The following VIRMA variants were observed in gnomAD, a reference collection of about 807,000 sequenced individuals.
VIRMA encodes the protein vir like m6A methyltransferase associated, also known as protein virilizer homolog.
A neutral mutation model predicts 182.4 loss-of-function variants in VIRMA; 65 were observed. The ratio of observed to expected loss-of-function variants is 0.36; its 90% CI spans 0.29 to 0.44. The LOEUF is 0.44. Ranked by LOEUF, VIRMA falls within the 20% of genes least tolerant of loss-of-function variation. The pLI is 1.00. For missense variants in VIRMA, 1,752 were observed against 2,158.1 expected, an observed-to-expected ratio of 0.81 and a Z score of 3.73; for synonymous variants, 709 against 743.1, an observed-to-expected ratio of 0.95 and a Z score of 0.75.
At chr8:94,495,656 G>A (rs1176503273) in intron 19 of VIRMA, 75 bp downstream of exon 19, 10 of 1,263,548 alleles carry the variant, frequency 7.9e-6, no homozygotes, top group Admixed American at 2.3e-5. Flanking sequence ...AGAAAAAAAC[G>A]TTTGCTGGCA....
In VIRMA at chr8:94,519,360, T is replaced by C. The variant is rs762706368; in HGVS notation, c.2138A>G (p.Gln713Arg). ...AAAAAAAAGAAGACCCTTCTGTGAC[T>C]GTGCAAGAAACTTCAAAACATCTTT... is the stretch of plus-strand genomic sequence containing the variant. The part of the protein sequence containing the change: ...ATKDVLKFLA[Q>R]SQKGLLFFMS... The change falls in exon 9 of 24, where the codon CAG becomes CGG. Residue 713 changes from glutamine (Q) to arginine (R), a missense_variant. This residue lies in a region of VIRMA where 401 missense variants were observed against 455.1 expected (regional missense o/e 0.88). Transcript: ENST00000297591. 3 of 1,587,682 alleles carry C rather than the reference T, an allele frequency of 1.9e-6. No individual in the cohort carries two copies. The highest frequency in any genetic ancestry group is 2.2e-5 in the East Asian group (1 of 44,772).
rs764445101 is a variant in VIRMA at position 94,526,328 on chromosome 8, T to C, written c.1916A>G (p.Glu639Gly). Residue 639 changes from glutamate to glycine, a missense_variant, in exon 8 of 24, where the codon GAA becomes GGA. Glu to Gly is a moderately conservative substitution (Grantham distance 98). Coordinates refer to ENST00000297591, the MANE Select transcript of VIRMA (RefSeq NM_015496.5). ...NLLEEVFHLM[E>G]TAPHTMIQQP... ...TTGGATCATTGTATGAGGGGCAGTTTCCATTAAATGAAAAACTTCTTCTAG... is the reference window on the plus strand; with the variant it reads ...TTGGATCATTGTATGAGGGGCAGTTCCCATTAAATGAAAAACTTCTTCTAG... The C allele has an allele frequency of 6.8e-5, 109 of 1,613,898 alleles. No homozygotes were observed. The highest frequency in any genetic ancestry group is 8.8e-5 in the Non-Finnish European group (104 of 1,179,886).
rs1009409255 is a variant in VIRMA at position 94,535,113 on chromosome 8, T to C, written c.316-106A>G. On this transcript the variant is annotated intron_variant, in intron 4 of 23. Transcript: ENST00000297591. ...GTGGTTCAACTAAAGTCTTTAAAAGTATGCTGAAAATGCAAAGTCAACACA... is the reference window on the plus strand; with the variant it reads ...GTGGTTCAACTAAAGTCTTTAAAAGCATGCTGAAAATGCAAAGTCAACACA... 11 of 1,470,226 alleles carry C rather than the reference T, an allele frequency of 7.5e-6. No homozygotes were observed. The African/African-American group carries it at 9.9e-5, about 13-fold the overall frequency. The allele number at this position is 1,470,226 out of a possible 1,614,324, so 91.1% of individuals were successfully genotyped here.
intron 11 of VIRMA, among the ~76,000 whole-genome samples, chr8:94,514,215 G>A (rs1278001079): frequency 6.6e-6 from 1 of 152,300 alleles, no homozygotes; most frequent in Non-Finnish European, 1.5e-5. Flanking sequence ...AACTTTTTAT[G>A]TGTATATGAG....
intron 17 of VIRMA, chr8:94,496,899 C>G (rs1279789963): frequency 6.5e-6 from 1 of 154,090 alleles, no homozygotes; most frequent in Non-Finnish European, 1.4e-5. Flanking sequence ...TATATTCTGT[C>G]ACATAGAAAA....
intron 16 of VIRMA, among the ~76,000 whole-genome samples, chr8:94,505,353 A>AATCTTC (rs1814117486): frequency 6.6e-6 from 1 of 151,872 alleles, no homozygotes; most frequent in Non-Finnish European, 1.5e-5. Flanking sequence ...AATAAATATA[A>AATCTTC]GTACTAGCCA....
Position 94,527,235 on chromosome 8 carries a change from T to C in VIRMA, c.1009A>G (p.Thr337Ala). The C allele has an allele frequency of 2.5e-6, 4 of 1,613,750 alleles. No homozygotes were observed. Among genetic ancestry groups the C allele is most frequent in the Non-Finnish European group, 3.4e-6 (4 of 1,179,682 alleles). Residue 337 changes from threonine to alanine, a missense_variant, in exon 8 of 24, where the codon ACA becomes GCA. This residue lies in a region of VIRMA where 401 missense variants were observed against 455.1 expected (regional missense o/e 0.88). Coordinates refer to ENST00000297591, the MANE Select transcript of VIRMA (RefSeq NM_015496.5). ...AEDLASVPPMTYDPYDRELVP... is the reference protein window; with the variant it reads ...AEDLASVPPMAYDPYDRELVP... ...AGCTCCCTGTCATATGGATCATATG[T>C]CATAGGAGGAACTGAAGCTAAGTCT...
Position 94,511,351 on chromosome 8 carries a change from A to C in VIRMA, c.3224T>G (p.Val1075Gly). 1 of 1,613,646 alleles carries C rather than the reference A, an allele frequency of 6.2e-7. No individual in the cohort carries two copies. The highest frequency in any genetic ancestry group is 8.5e-7 in the Non-Finnish European group (1 of 1,179,906). Reference sequence around the variant, plus strand: ...TTCTGAGATTGTGAGTTTTTCATTAACTCCTTGTGTAAAAGTCAGTAAAAT... The same window carrying C: ...TTCTGAGATTGTGAGTTTTTCATTACCTCCTTGTGTAAAAGTCAGTAAAAT... ...IDILLTFTQG[V>G]NEKLTISEET... Residue 1075 changes from valine to glycine, a missense_variant, in exon 13 of 24, where the codon GTT becomes GGT. This residue lies in a region of VIRMA where 777 missense variants were observed against 920.6 expected (regional missense o/e 0.84). Coordinates refer to ENST00000297591, the MANE Select transcript of VIRMA (RefSeq NM_015496.5).
chr8:94,520,667 T>TA (rs1250517274), intron 8 of VIRMA, among the ~76,000 whole-genome samples: 1 of 152,188 alleles, frequency 6.6e-6, no homozygotes, highest in Non-Finnish European at 1.5e-5. Flanking sequence ...AGGATATGCA[T>TA]AGGTTATATG....
intron 4 of VIRMA, among the ~76,000 whole-genome samples, chr8:94,536,498 G>T (rs1197996646): frequency 1.3e-5 from 2 of 152,208 alleles, no homozygotes; most frequent in East Asian, 3.8e-4. Context: ...GCACAGTAGT[G>T]TCTAATAACA....
At position 94,539,034 on chromosome 8, in the gene VIRMA, T is replaced by C. The variant is rs551633926; in HGVS notation, c.180-688A>G. Among the ~76,000 whole-genome samples, 11 of 151,756 alleles carry C rather than the reference T, an allele frequency of 7.2e-5. No homozygotes were observed. In the East Asian group the frequency reaches 1.2e-3, roughly 16 times the overall value. ...CTCCTGCTACAGCCTCCCAAGTAGCTGGGACTACAGGTGTATGCCACTACA... is the reference window on the plus strand; with the variant it reads ...CTCCTGCTACAGCCTCCCAAGTAGCCGGGACTACAGGTGTATGCCACTACA... On this transcript the variant is annotated intron_variant, in intron 2 of 23. Transcript: ENST00000297591.
chr8:94,492,894 T>C (rs1382267220), intron 20 of VIRMA, 76 bp from the exon 21 acceptor site: 3 of 1,177,880 alleles, frequency 2.5e-6, no homozygotes, highest in South Asian at 1.6e-5. Flanking sequence ...GAAATTCTTA[T>C]TACCTATAAA....
chr8:94,510,693 A>G (rs1194677397), intron 13 of VIRMA, 41 bp from the exon 14 acceptor site: 23 of 1,396,802 alleles, frequency 1.6e-5, no homozygotes, highest in Non-Finnish European at 1.9e-5. Flanking sequence ...AGATTTTTTA[A>G]TATTTATTTA....
At position 94,529,227 on chromosome 8, in the gene VIRMA, T is replaced by C. The variant is rs1815076262; in HGVS notation, c.723A>G (p.Glu241=). 6.3e-7 allele frequency: 1 copy of C among 1,575,096 alleles called. No individual in the cohort carries two copies. The highest frequency in any genetic ancestry group is 1.7e-5 in the Admixed American group (1 of 59,956). ...CTTCTCCTTCTTCTTGTTGTTCCTC[T>C]TCTACTTCTCCTTCATCAGAATATT... ...EGQYSDEGEV[E]EEQQEEGEED... is the part of the protein sequence containing the mutation. Residue 241 remains glutamate (E), a synonymous_variant, in exon 7 of 24, where the codon GAA becomes GAG. Transcript: ENST00000297591.
chr8:94,529,284 A>T lies in VIRMA; in HGVS notation c.666T>A (p.Ser222=). Residue 222 remains serine (S), a synonymous_variant, in exon 7 of 24, where the codon TCT becomes TCA. Coordinates refer to ENST00000297591, the MANE Select transcript of VIRMA (RefSeq NM_015496.5). ...PHREDYFEPI[S]PDRNSVPQEG... The stretch of plus-strand genomic sequence containing the variant: ...CCTGGGGAACAGAATTCCGATCAGG[A>T]GAAATGGGCTCAAAGTAATCTTCTC... 1 of 1,613,348 alleles carries T rather than the reference A, an allele frequency of 6.2e-7. No homozygotes were observed. The highest frequency in any genetic ancestry group is 8.5e-7 in the Non-Finnish European group (1 of 1,179,278).
At chr8:94,525,672 GAA>G (rs896967808) in intron 8 of VIRMA, among the ~76,000 whole-genome samples, 3 of 152,130 alleles carry the variant, frequency 2.0e-5, no homozygotes, top group African/African-American at 7.2e-5. Context: ...TGGTAAGAAA[GAA>G]AGTCTCAAAA....
intron 15 of VIRMA, 39 bp downstream of exon 15, chr8:94,509,649 C>T (rs760568723): frequency 1.7e-5 from 26 of 1,566,378 alleles, no homozygotes; most frequent in Non-Finnish European, 2.2e-5. Flanking sequence ...CACACACATA[C>T]ACATGCAGAG....
At chr8:94,498,464 ACTCAATG>A (rs1243802626) in intron 17 of VIRMA, 2 of 152,180 alleles carry the variant, frequency 1.3e-5, no homozygotes, top group African/African-American at 2.4e-5. Flanking sequence ...TAGCAAGGTA[ACTCAATG>A]TCATAAATTT....
intron 10 of VIRMA, among the ~76,000 whole-genome samples, chr8:94,516,642 G>C (rs2130322284): frequency 6.6e-6 from 1 of 152,104 alleles, no homozygotes; most frequent in Admixed American, 6.6e-5. Flanking sequence ...AGAATATATA[G>C]CTCAAAGATA....
Sources: gnomAD v4.1 joint callset for allele counts (sites outside exome capture counted in the v4.1 genomes callset) on GRCh38, gnomAD v4.1.1 for gene constraint, gnomAD v4.1.1 regional missense constraint, MANE v1.5 for transcripts, NCBI Gene and HGNC (gene_info 2026-07-23, HGNC 2026-07-21) for gene names.